The following MCF2L2 variants were observed in gnomAD, a reference collection of about 807,000 sequenced individuals.
MCF2L2 encodes the protein MCF.2 cell line derived transforming sequence-like 2.
MCF2L2 carries 102 observed loss-of-function variants against 150.2 expected under a neutral mutation model. The ratio of observed to expected loss-of-function variants is 0.68; its 90% CI spans 0.58 to 0.80. The LOEUF (loss-of-function observed/expected upper bound fraction) is 0.80. MCF2L2 is among the 30% of genes least tolerant of loss of function. The pLI is 0.00. For missense variants in MCF2L2, 1,256 were observed against 1,372.8 expected (o/e 0.91, Z 1.34); for synonymous variants, 465 against 491.3 (o/e 0.95, Z 0.71).
intron 27 of MCF2L2, among the ~76,000 whole-genome samples, chr3:183,188,919 G>A (rs1424084229): frequency 6.6e-6 from 1 of 152,110 alleles, no homozygotes; most frequent in Admixed American, 6.5e-5. Context: ...AGTGATCCCT[G>A]ATGGTGCCGT....
At chr3:183,409,322 A>G (rs1715201155) in intron 1 of MCF2L2, among the ~76,000 whole-genome samples, 1 of 152,188 alleles carries the variant, frequency 6.6e-6, no homozygotes, top group East Asian at 1.9e-4. Flanking sequence ...ATGGGAAATT[A>G]AAGCAAATGT....
chr3:183,387,931 CAAAAAAAAAA>C (rs61024469), intron 2 of MCF2L2, among the ~76,000 whole-genome samples: 6 of 72,406 alleles, frequency 8.3e-5, no homozygotes, highest in Admixed American at 1.7e-4. Flanking sequence ...GACTCCATCT[CAAAAAAAAAA>C]AAAAAAAAAA....
chr3:183,314,776 G>C (rs972943281), intron 7 of MCF2L2, among the ~76,000 whole-genome samples: 2 of 149,774 alleles, frequency 1.3e-5, no homozygotes, highest in South Asian at 2.1e-4. Flanking sequence ...GAAATTATTT[G>C]ACGACATATA....
chr3:183,289,305 C>T, intron 13 of MCF2L2, 85 bp from the exon 14 acceptor site: 4 of 877,292 alleles, frequency 4.6e-6, no homozygotes. Context: ...AATAGCTGGA[C>T]CACGTCAATG....
intron 26 of MCF2L2, among the ~76,000 whole-genome samples, chr3:183,194,810 C>A (rs1011236815): frequency 6.6e-6 from 1 of 152,154 alleles, no homozygotes; most frequent in Non-Finnish European, 1.5e-5. Flanking sequence ...GAGATAGGCT[C>A]TCGCTCTGTC....
rs144323919 is a variant in MCF2L2 at position 183,398,839 on chromosome 3, C to G, written c.77-9060G>C. ...TAACATACTCAACTTTCACTGTTGT[C>G]TTGAGTCACAGAATAAAATGACTGA... On this transcript the variant is annotated intron_variant, in intron 1 of 29. Coordinates refer to ENST00000328913, the MANE Select transcript of MCF2L2 (RefSeq NM_015078.4). 3.5e-4 allele frequency among the ~76,000 whole-genome samples: 54 copies of G among 152,122 alleles called. No individual in the cohort carries two copies. The East Asian group carries it at 0.01, about 28-fold the overall frequency.
At chr3:183,212,046 C>T (rs1318246058) in intron 22 of MCF2L2, among the ~76,000 whole-genome samples, 4 of 152,076 alleles carry the variant, frequency 2.6e-5, no homozygotes, top group Non-Finnish European at 5.9e-5. Flanking sequence ...GAAATGGAGA[C>T]GCACGCTGAG....
At chr3:183,212,948 TGGGGGGGTG>T (rs1239706025) in intron 22 of MCF2L2, among the ~76,000 whole-genome samples, 2 of 1,904 alleles carry the variant, frequency 1.1e-3, no homozygotes, top group Non-Finnish European at 2.7e-3. Flanking sequence ...ATAGGTATTG[TGGGGGGGTG>T]GGGGGGGTGG....
chr3:183,301,516 G>C (rs762497118), intron 10 of MCF2L2, among the ~76,000 whole-genome samples: 12 of 152,022 alleles, frequency 7.9e-5, no homozygotes, highest in Non-Finnish European at 1.5e-4. Flanking sequence ...AGACTAGGCC[G>C]GGCTGTGGTG....
At chr3:183,380,808 A>T (rs1450506718) in intron 2 of MCF2L2, among the ~76,000 whole-genome samples, 1 of 152,230 alleles carries the variant, frequency 6.6e-6, no homozygotes, top group Non-Finnish European at 1.5e-5. Context: ...AAGCAAAAAC[A>T]GTGTGCAAAT....
At chr3:183,318,402 A>C (rs1422790918) in intron 6 of MCF2L2, among the ~76,000 whole-genome samples, 185 bp from the exon 7 acceptor site, 1 of 152,316 alleles carries the variant, frequency 6.6e-6, no homozygotes, top group Admixed American at 6.5e-5. Flanking sequence ...CAATGCTGCC[A>C]CTAGTTGACC....
chr3:183,370,895 G>A (rs1272529790), intron 3 of MCF2L2, among the ~76,000 whole-genome samples: 1 of 152,166 alleles, frequency 6.6e-6, no homozygotes, highest in Non-Finnish European at 1.5e-5. Context: ...TATCCTCCCT[G>A]AGGGCTCTGA....
chr3:183,214,481 G>A (rs1011497735), intron 22 of MCF2L2, among the ~76,000 whole-genome samples: 2 of 152,034 alleles, frequency 1.3e-5, no homozygotes, highest in African/African-American at 2.4e-5. Flanking sequence ...AAATACCAGC[G>A]TGGGAAGTAA....
intron 6 of MCF2L2, among the ~76,000 whole-genome samples, chr3:183,321,437 C>CAAAAAAA (rs754945400): frequency 1.1e-5 from 1 of 87,242 alleles, no homozygotes; most frequent in African/African-American, 3.9e-5. Context: ...GACTCTGTCT[C>CAAAAAAA]AAAAAAAAAA....
At chr3:183,387,834 A>G (rs1285285584) in intron 2 of MCF2L2, among the ~76,000 whole-genome samples, 1 of 147,782 alleles carries the variant, frequency 6.8e-6, no homozygotes, top group African/African-American at 2.5e-5. Flanking sequence ...CAGGAGGCTG[A>G]GGCAGGATAA....
chr3:183,228,576 G>C (rs186163626), intron 17 of MCF2L2, among the ~76,000 whole-genome samples: 1 of 152,218 alleles, frequency 6.6e-6, no homozygotes, highest in East Asian at 1.9e-4. Flanking sequence ...ACAACTTTAA[G>C]TTGTTCGATC....
chr3:183,409,974 G>A (rs1715241733), intron 1 of MCF2L2, among the ~76,000 whole-genome samples: 1 of 152,164 alleles, frequency 6.6e-6, no homozygotes, highest in Non-Finnish European at 1.5e-5. Flanking sequence ...CTGCCTTCAA[G>A]CTTGAGGTCA....
At chr3:183,324,461 C>T (rs1729942892) in intron 5 of MCF2L2, among the ~76,000 whole-genome samples, 1 of 152,088 alleles carries the variant, frequency 6.6e-6, no homozygotes, top group African/African-American at 2.4e-5. Context: ...TTTTTCACTC[C>T]CTGTTGATTA....
chr3:183,240,560 G>T (rs1723975719), intron 15 of MCF2L2, among the ~76,000 whole-genome samples: 1 of 152,182 alleles, frequency 6.6e-6, no homozygotes, highest in Admixed American at 6.5e-5. Context: ...CTCTCTTCAA[G>T]AACTTGCCCA....
Sources: allele counts gnomAD v4.1 joint callset (sites outside exome capture counted in the v4.1 genomes callset), GRCh38; gene constraint gnomAD v4.1.1; transcripts MANE v1.5; gene names NCBI Gene and HGNC (gene_info 2026-07-23, HGNC 2026-07-21).